LYG2: variants seen among roughly 807,000 people sequenced by gnomAD.
LYG2 encodes lysozyme g-like protein 2.
LYG2 carries 25 observed loss-of-function variants against 22.4 expected under a neutral mutation model. The observed-to-expected ratio is 1.12, with a 90% CI of 0.81 to 1.56. The LOEUF is 1.56. LYG2 is among the 40% of genes most tolerant of loss of function. The probability of loss-of-function intolerance (pLI) is 0.00; values close to 1 mark genes in which losing one functional copy is unlikely to be tolerated. For missense variants in LYG2, 266 were observed against 269.5 expected (o/e 0.99, Z 0.09); for synonymous variants, 88 against 97.0 (o/e 0.91, Z 0.55).
intron 3 of LYG2, among the ~76,000 whole-genome samples, chr2:99,251,876 C>A (rs969016315): frequency 7.0e-6 from 1 of 142,464 alleles, no homozygotes; most frequent in Non-Finnish European, 1.6e-5. Context: ...CTCACTCTGT[C>A]GCCCAGGCTG....
intron 1 of LYG2, 138 bp from the exon 2 acceptor site, chr2:99,255,275 C>T (rs978736352): frequency 2.6e-5 from 4 of 152,304 alleles, no homozygotes; most frequent in South Asian, 2.1e-4. Flanking sequence ...TTCTTACCTT[C>T]GTCCTGTACC....
At chr2:99,260,918 T>G in the LYG2 span, among the ~76,000 whole-genome samples, 36 of 152,276 alleles carry the variant, frequency 2.4e-4, no homozygotes, top group African/African-American at 8.4e-4. Context: ...GGTCAAATCA[T>G]GTGCTGAGAG....
rs760974564 is a variant in LYG2 at position 99,242,411 on chromosome 2, T to C, written c.592A>G (p.Asn198Asp). The change falls in exon 7 of 7, where the codon AAT becomes GAT. Residue 198 changes from asparagine (N) to aspartate (D), a missense_variant. Coordinates refer to ENST00000333017, the MANE Select transcript of LYG2 (RefSeq NM_175735.4). ...TPSDIDNDFV[N>D]DIIARAKFYK... The stretch of plus-strand genomic sequence containing the variant: ...AACTTAGCTCGAGCAATGATATCAT[T>C]GACGAAGTCATTGTCTATGTCCGAT... 6.2e-7 allele frequency: 1 copy of C among 1,613,912 alleles called. No individual in the cohort carries two copies. Among genetic ancestry groups the C allele is most frequent in the East Asian group, 2.2e-5 (1 of 44,872 alleles).
intron 6 of LYG2, 65 bp downstream of exon 6, chr2:99,243,934 T>TCA: frequency 1.9e-6 from 3 of 1,591,924 alleles, no homozygotes; most frequent in Non-Finnish European, 2.6e-6. Context: ...GAGTCTCGGG[T>TCA]CACACTGGCC....
chr2:99,243,321 C>T, intron 6 of LYG2: 1 of 934,194 alleles, frequency 1.1e-6, no homozygotes, highest in Non-Finnish European at 1.6e-6. Context: ...TTAATTCCAT[C>T]TGGGAGATGC....
chr2:99,260,921 G>T, the LYG2 span, among the ~76,000 whole-genome samples: 2 of 152,202 alleles, frequency 1.3e-5, no homozygotes, highest in Non-Finnish European at 2.9e-5. Flanking sequence ...CAAATCATGT[G>T]CTGAGAGTAA....
At chr2:99,246,307 C>T (rs2094015977) in intron 4 of LYG2, among the ~76,000 whole-genome samples, 1 of 152,182 alleles carries the variant, frequency 6.6e-6, no homozygotes, top group South Asian at 2.1e-4. Flanking sequence ...TTGCTGCCAG[C>T]TCCGACACTC....
At position 99,243,351 on chromosome 2, in the gene LYG2, G is replaced by A. The variant is rs1451773995; in HGVS notation, c.520+648C>T. 7 of 1,324,464 alleles carry A rather than the reference G, an allele frequency of 5.3e-6. No individual in the cohort carries two copies. In the African/African-American group the frequency reaches 7.4e-5, roughly 14 times the overall value. The allele number at this position is 1,324,464 out of a possible 1,614,324, so 82.0% of individuals were successfully genotyped here. On this transcript the variant is annotated intron_variant, in intron 6 of 6. Coordinates refer to ENST00000333017, the MANE Select transcript of LYG2 (RefSeq NM_175735.4). ...AGATGCTGAACTTGAGGGGGCCTGT[G>A]GTCAGCCAAGCAGAGATTTCCACTT...
intron 3 of LYG2, among the ~76,000 whole-genome samples, chr2:99,248,121 T>C (rs1057202913): frequency 1.3e-5 from 2 of 151,770 alleles, no homozygotes; most frequent in African/African-American, 2.4e-5. Context: ...GGAACACTTT[T>C]ACACTGTTGG....
chr2:99,247,040 G>A (rs2094017236), intron 3 of LYG2, among the ~76,000 whole-genome samples: 1 of 152,106 alleles, frequency 6.6e-6, no homozygotes, highest in South Asian at 2.1e-4. Flanking sequence ...AAAACTCTAT[G>A]CAAAATATTA....
Position 99,242,440 on chromosome 2 carries a change from G to A in LYG2, c.563C>T (p.Thr188Ile), listed in dbSNP as rs1298043118. 1.9e-6 allele frequency: 3 copies of A among 1,613,080 alleles called. No homozygotes were observed. The highest frequency in any genetic ancestry group is 1.7e-5 in the Admixed American group (1 of 59,884). ...AFKSGIEAIA[T>I]PSDIDNDFVN... is the part of the protein sequence containing the mutation. ...GAAGTCATTGTCTATGTCCGATGGG[G>A]TGGCAATCGCTTCAATTCCTGACTT... Residue 188 changes from threonine to isoleucine, a missense_variant, in exon 7 of 7, where the codon ACC becomes ATC. Transcript: ENST00000333017.
chr2:99,247,750 G>T (rs1244146940), intron 3 of LYG2, among the ~76,000 whole-genome samples: 1 of 151,952 alleles, frequency 6.6e-6, no homozygotes, highest in East Asian at 1.9e-4. Flanking sequence ...TTAAACTAAA[G>T]AGCTTCTGCA....
intron 5 of LYG2, among the ~76,000 whole-genome samples, chr2:99,244,904 A>C (rs1380377118): frequency 6.6e-6 from 1 of 152,048 alleles, no homozygotes; most frequent in East Asian, 1.9e-4. Context: ...TGAGGTCAGG[A>C]GTTCAAGACC....
intron 3 of LYG2, among the ~76,000 whole-genome samples, chr2:99,251,096 A>G (rs1050731608): frequency 1.3e-5 from 2 of 152,366 alleles, no homozygotes; most frequent in Admixed American, 6.5e-5. Context: ...ATTGTTAGTT[A>G]TGGAGAGAGT....
intron 2 of LYG2, among the ~76,000 whole-genome samples, chr2:99,254,578 C>T (rs2094032689): frequency 1.3e-5 from 2 of 152,062 alleles, no homozygotes; most frequent in Non-Finnish European, 2.9e-5. Flanking sequence ...GGTAACACCA[C>T]AATTTTGTTC....
rs2094013696 is a variant in LYG2 at position 99,245,242 on chromosome 2, G to A, written c.381+20C>T. On this transcript the variant is annotated intron_variant, in intron 5 of 6. Coordinates refer to ENST00000333017, the MANE Select transcript of LYG2 (RefSeq NM_175735.4). ...GAGGAGGGATGCAGTGGGGCTGATAGAAAGTTTCTAGCTAAATACCTGCAT... is the reference window on the plus strand; with the variant it reads ...GAGGAGGGATGCAGTGGGGCTGATAAAAAGTTTCTAGCTAAATACCTGCAT... 1.3e-6 allele frequency: 2 copies of A among 1,566,450 alleles called. No homozygotes were observed. The highest frequency in any genetic ancestry group is 2.3e-5 in the East Asian group (1 of 42,806).
Position 99,245,325 on chromosome 2 carries a change from G to A in LYG2, c.318C>T (p.Ser106=). The A allele has an allele frequency of 6.2e-7, 1 of 1,612,810 alleles. No homozygotes were observed. Among genetic ancestry groups the A allele is most frequent in the Non-Finnish European group, 8.5e-7 (1 of 1,179,352 alleles). ...CGTCTTGCAGGACAGATCCGCCATG[G>A]CTTTCCCTGGAGATGATGGCTGCGA... is the stretch of plus-strand genomic sequence containing the variant. ...AVIAAIISRE[S]HGGSVLQDGW... is the part of the protein sequence containing the mutation. The change falls in exon 5 of 7, where the codon AGC becomes AGT. Residue 106 remains serine (S), a synonymous_variant. Coordinates refer to ENST00000333017, the MANE Select transcript of LYG2 (RefSeq NM_175735.4).
chr2:99,254,097 TG>T, intron 3 of LYG2, 120 bp downstream of exon 3: 1 of 861,822 alleles, frequency 1.2e-6, no homozygotes, highest in South Asian at 1.4e-5. Context: ...ATGGCCAAGC[TG>T]GTCAGAATGA....
upstream of LYG2, among the ~76,000 whole-genome samples, chr2:99,255,885 A>G (rs1450247813): frequency 4.6e-5 from 7 of 152,178 alleles, no homozygotes; most frequent in Admixed American, 4.6e-4. Flanking sequence ...TCAAGAAGAG[A>G]GTATCTTTCT....
Sources: allele counts gnomAD v4.1 joint callset (sites outside exome capture counted in the v4.1 genomes callset), GRCh38; gene constraint gnomAD v4.1.1; transcripts MANE v1.5; gene names NCBI Gene and HGNC (gene_info 2026-07-23, HGNC 2026-07-21).